Variants in SLC2A9 observed in about 807,000 individuals in gnomAD.
SLC2A9 encodes solute carrier family 2, facilitated glucose transporter member 9.
In SLC2A9, 39 loss-of-function variants were observed where a neutral mutation model predicts 50.6. That is an observed-to-expected ratio of 0.77 (90% confidence interval 0.60 to 1.01). SLC2A9 has a LOEUF of 1.01. Among genes scored for constraint, SLC2A9 ranks in the 50% least tolerant of loss-of-function variants. SLC2A9 has a pLI of 0.00. For missense variants in SLC2A9, 686 were observed against 677.6 expected (o/e 1.01, Z -0.14); for synonymous variants, 324 against 276.9 (o/e 1.17, Z -1.69).
At chr4:9,799,551 A>G (rs954721337) in intron 3 of SLC2A9, among the ~76,000 whole-genome samples, 1 of 152,144 alleles carries the variant, frequency 6.6e-6, no homozygotes, top group Non-Finnish European at 1.5e-5. Context: ...CACCTTGATT[A>G]AATCTCCACA....
At chr4:9,845,108 G>C (rs1728742761) in intron 10 of SLC2A9, among the ~76,000 whole-genome samples, 1 of 151,914 alleles carries the variant, frequency 6.6e-6, no homozygotes, top group East Asian at 1.9e-4. Context: ...CCACCTCCTG[G>C]GTTCATGCCA....
At chr4:9,796,038 C>T (rs184287339), downstream of SLC2A9, among the ~76,000 whole-genome samples, 1 of 152,282 alleles carries the variant, frequency 6.6e-6, no homozygotes, top group East Asian at 1.9e-4. Flanking sequence ...CGGTGATTTG[C>T]TCAAGATCAC....
At chr4:9,865,266 C>G (rs1239861612) in intron 10 of SLC2A9, among the ~76,000 whole-genome samples, 2 of 152,258 alleles carry the variant, frequency 1.3e-5, no homozygotes, top group South Asian at 4.1e-4. Context: ...TGCTCAACAT[C>G]AGACCATGCG....
chr4:9,864,772 T>C (rs1386346887), intron 10 of SLC2A9, among the ~76,000 whole-genome samples: 1 of 152,240 alleles, frequency 6.6e-6, no homozygotes, highest in Non-Finnish European at 1.5e-5. Flanking sequence ...GCATAAAGGA[T>C]GCTGTGGTAG....
chr4:9,980,487 C>T, intron 5 of SLC2A9, 105 bp downstream of exon 5: 1 of 1,512,182 alleles, frequency 6.6e-7, no homozygotes, highest in Non-Finnish European at 9.1e-7. Context: ...GGCTTGAATA[C>T]CAGAAATTGC....
At chr4:9,966,997 C>T (rs890809483) in intron 5 of SLC2A9, among the ~76,000 whole-genome samples, 4 of 152,198 alleles carry the variant, frequency 2.6e-5, no homozygotes, top group African/African-American at 7.2e-5. Context: ...GTTTAATGTA[C>T]TCACTAGCGT....
chr4:10,039,714 G>A (rs927059445), intron 1 of SLC2A9, among the ~76,000 whole-genome samples: 3 of 152,102 alleles, frequency 2.0e-5, no homozygotes, highest in African/African-American at 7.2e-5. Context: ...CTGCTGACTG[G>A]TCTCACCATG....
At chr4:9,789,230 C>T (rs1042933354) in intron 3 of SLC2A9, among the ~76,000 whole-genome samples, 10 of 152,082 alleles carry the variant, frequency 6.6e-5, no homozygotes, top group Admixed American at 1.3e-4. Context: ...AGTTACCTTC[C>T]TAGGTTTTAA....
At chr4:9,876,959 A>C (rs537014084) in intron 10 of SLC2A9, among the ~76,000 whole-genome samples, 1 of 152,348 alleles carries the variant, frequency 6.6e-6, no homozygotes, top group East Asian at 1.9e-4. Context: ...AAAAATTATG[A>C]CTATATGCCA....
At chr4:10,022,518 C>T (rs556161673), upstream of SLC2A9, among the ~76,000 whole-genome samples, 1 of 152,326 alleles carries the variant, frequency 6.6e-6, no homozygotes, top group African/African-American at 2.4e-5. Flanking sequence ...CATCACATGG[C>T]CATGTTGCCT....
At chr4:9,967,586 A>AT (rs573237626) in intron 5 of SLC2A9, among the ~76,000 whole-genome samples, 51 of 151,866 alleles carry the variant, frequency 3.4e-4, no homozygotes, top group African/African-American at 1.1e-3. Flanking sequence ...TTTAAAAATA[A>AT]TTTTTTTAAA....
downstream of SLC2A9, among the ~76,000 whole-genome samples, chr4:9,778,278 C>G (rs190387048): frequency 2.0e-5 from 3 of 152,060 alleles, no homozygotes; most frequent in Non-Finnish European, 2.9e-5. Context: ...TCCCACCACG[C>G]CTGGCTAATT....
intron 5 of SLC2A9, among the ~76,000 whole-genome samples, chr4:9,961,868 T>TCAAA (rs1236175310): frequency 1.3e-5 from 2 of 151,836 alleles, no homozygotes; most frequent in African/African-American, 2.4e-5. Context: ...TTTATAAAAA[T>TCAAA]CAAACAAACA....
At chr4:9,966,208 C>T (rs999242426) in intron 5 of SLC2A9, among the ~76,000 whole-genome samples, 3 of 152,154 alleles carry the variant, frequency 2.0e-5, no homozygotes, top group African/African-American at 7.2e-5. Context: ...AAAAAAATTG[C>T]TCATATGTAC....
chr4:9,881,768 A>G (rs897947721), intron 10 of SLC2A9, among the ~76,000 whole-genome samples: 3 of 152,220 alleles, frequency 2.0e-5, no homozygotes, highest in African/African-American at 7.2e-5. Flanking sequence ...CCTGGCAGGG[A>G]AACCATGACT....
In SLC2A9 at chr4:9,799,403, C is replaced by T. The variant is rs530264453; in HGVS notation, n.421-162G>A. Among the ~76,000 whole-genome samples the T allele has an allele frequency of 5.1e-4, 77 of 152,088 alleles. 1 individual carries two copies. In the South Asian group the frequency reaches 0.014, roughly 27 times the overall value. ...GCTTGCTCTCTGCTTTAAGATGATG[C>T]CTTCTTGCTATGTCCTCATGTGGTG... is the stretch of plus-strand genomic sequence containing the variant. On this transcript the variant is annotated intron_variant and non_coding_transcript_variant, in intron 3 of 3. Coordinates refer to the SLC2A9 transcript ENST00000503280.
chr4:9,802,595 C>T (rs1308655329), intron 3 of SLC2A9, among the ~76,000 whole-genome samples: 35 of 127,502 alleles, frequency 2.7e-4, no homozygotes, highest in African/African-American at 1.0e-3. Flanking sequence ...GAGTTTCACT[C>T]TTGTCGCCCA....
chr4:9,870,961 A>T (rs1301323085), intron 10 of SLC2A9, among the ~76,000 whole-genome samples: 1 of 152,164 alleles, frequency 6.6e-6, no homozygotes, highest in African/African-American at 2.4e-5. Flanking sequence ...GTGTCACCCC[A>T]GTTGCAGTAC....
chr4:9,783,063 T>C lies in SLC2A9; in HGVS notation n.386-2998A>G. 1.2e-6 allele frequency: 2 copies of C among 1,614,204 alleles called. No individual in the cohort carries two copies. Among genetic ancestry groups the C allele is most frequent in the South Asian group, 1.1e-5 (1 of 91,090 alleles). ...AGTGAGACCACCTTCGACGTCTTCG[T>C]CTGGTTCGGCTGGGCTAACTCCTCA... On this transcript the variant is annotated intron_variant and non_coding_transcript_variant, in intron 3 of 3. Transcript: ENST00000503803.
Sources: allele counts gnomAD v4.1 joint callset (sites outside exome capture counted in the v4.1 genomes callset), GRCh38; gene constraint gnomAD v4.1.1; transcripts MANE v1.5; gene names NCBI Gene and HGNC (gene_info 2026-07-23, HGNC 2026-07-21).